The following CCDC171 variants were observed in gnomAD, a reference collection of about 807,000 sequenced individuals.
CCDC171 encodes the protein coiled-coil domain-containing protein 171.
A neutral mutation model predicts 168.2 loss-of-function variants in CCDC171; 177 were observed. The ratio of observed to expected loss-of-function variants is 1.05; its 90% CI spans 0.93 to 1.19. The LOEUF (loss-of-function observed/expected upper bound fraction) is 1.19. Ranked by LOEUF, CCDC171 falls within the 50% of genes most tolerant of loss-of-function variation. The probability of loss-of-function intolerance (pLI) is 0.00; values close to 1 mark genes in which losing one functional copy is unlikely to be tolerated. For synonymous variants in CCDC171, 687 were observed against 540.8 expected (o/e 1.27, Z -3.75); for missense variants, 1,991 against 1,539.0 (o/e 1.29, Z -4.91).
chr9:15,730,403 A>G lies in CCDC171; in HGVS notation c.2049+605A>G, dbSNP rs116067035. On this transcript the variant is annotated intron_variant, in intron 16 of 25. Transcript: ENST00000380701. ...ATTTTTTCTACACAAATTATCATCA[A>G]CATTATTTATATTGTTAACTATCAT... Among the ~76,000 whole-genome samples, 1,256 of 152,094 alleles carry G rather than the reference A, an allele frequency of 8.3e-3. 12 individuals are homozygous for G. Among genetic ancestry groups the G allele is most frequent in the African/African-American group, 0.029 (1,197 of 41,568 alleles).
intron 6 of CCDC171, among the ~76,000 whole-genome samples, chr9:15,615,985 C>G (rs1381289691): frequency 6.6e-6 from 1 of 152,128 alleles, no homozygotes; most frequent in Non-Finnish European, 1.5e-5. Flanking sequence ...GAGTCTCGCT[C>G]TGTCGCCCAG....
chr9:15,606,688 G>A (rs983518090), intron 6 of CCDC171, among the ~76,000 whole-genome samples: 3 of 152,140 alleles, frequency 2.0e-5, no homozygotes, highest in African/African-American at 7.2e-5. Flanking sequence ...GTTTATATGA[G>A]TATATATAAA....
At chr9:16,025,607 C>T (rs1833261400) in intron 6 of CCDC171, among the ~76,000 whole-genome samples, 1 of 152,008 alleles carries the variant, frequency 6.6e-6, no homozygotes, top group African/African-American at 2.4e-5. Context: ...ATGATTCAGC[C>T]ATTAAAAGTA....
At chr9:16,024,269 T>G (rs1833232641) in intron 6 of CCDC171, among the ~76,000 whole-genome samples, 1 of 152,148 alleles carries the variant, frequency 6.6e-6, no homozygotes, top group Admixed American at 6.5e-5. Flanking sequence ...CAGTAATTTG[T>G]TACAATAAAA....
chr9:15,777,494 T>C (rs2057389491), intron 18 of CCDC171, 106 bp from the exon 19 acceptor site: 1 of 630,824 alleles, frequency 1.6e-6, no homozygotes, highest in Admixed American at 3.3e-5. Flanking sequence ...TACAGGTGAA[T>C]GGGAATTATA....
chr9:15,847,646 T>C (rs576611078), intron 22 of CCDC171, among the ~76,000 whole-genome samples: 1 of 152,202 alleles, frequency 6.6e-6, no homozygotes, highest in African/African-American at 2.4e-5. Context: ...GTTTTCTAAA[T>C]TTAGAATTCT....
intron 10 of CCDC171, among the ~76,000 whole-genome samples, chr9:15,693,950 C>G (rs2051017631): frequency 6.6e-6 from 1 of 152,114 alleles, no homozygotes; most frequent in African/African-American, 2.4e-5. Context: ...CTTACTCCTT[C>G]TTTAACCTAT....
chr9:15,626,468 A>C (rs182238549), intron 7 of CCDC171, among the ~76,000 whole-genome samples: 1 of 152,026 alleles, frequency 6.6e-6, no homozygotes, highest in African/African-American at 2.4e-5. Context: ...AAGAGCTCTT[A>C]TTGTTTTGAT....
At chr9:15,926,480 G>T (rs559987017) in intron 25 of CCDC171, among the ~76,000 whole-genome samples, 1 of 151,482 alleles carries the variant, frequency 6.6e-6, no homozygotes, top group African/African-American at 2.4e-5. Flanking sequence ...TTCCACTTCT[G>T]ACCATTTTGT....
intron 9 of CCDC171, among the ~76,000 whole-genome samples, chr9:15,668,925 A>G (rs1274143682): frequency 6.6e-6 from 1 of 152,136 alleles, no homozygotes; most frequent in Non-Finnish European, 1.5e-5. Context: ...GAATTGATAG[A>G]TTTTAGGTCT....
At chr9:15,674,725 C>T (rs141388379) in intron 9 of CCDC171, among the ~76,000 whole-genome samples, 31 of 152,250 alleles carry the variant, frequency 2.0e-4, no homozygotes, top group Middle Eastern at 6.8e-3. Flanking sequence ...GTCTGAGAGA[C>T]AGTTTGTTAT....
In CCDC171 at chr9:16,018,792, G is replaced by A. The variant is rs182023435; in HGVS notation, n.369-1797G>A. Among the ~76,000 whole-genome samples the A allele has an allele frequency of 3.3e-5, 5 of 152,298 alleles. No homozygotes were observed. The East Asian group carries it at 9.6e-4, about 29-fold the overall frequency. ...AAGAAAGTTGCTGATACCCAAGGGAGCTACAAAAGGTTATGGGGAACCGGG... is the reference window on the plus strand; with the variant it reads ...AAGAAAGTTGCTGATACCCAAGGGAACTACAAAAGGTTATGGGGAACCGGG... On this transcript the variant is annotated intron_variant and non_coding_transcript_variant, in intron 3 of 9. Transcript: ENST00000486641.
chr9:15,874,450 C>T (rs1158949816), intron 23 of CCDC171, 82 bp from the exon 24 acceptor site: 1 of 1,202,802 alleles, frequency 8.3e-7, no homozygotes, highest in Admixed American at 2.6e-5. Context: ...CAAGTCCACT[C>T]AGTGGGCTCA....
intron 7 of CCDC171, among the ~76,000 whole-genome samples, chr9:15,642,343 G>GTATATATATATATATATA (rs55976539): frequency 1.9e-5 from 2 of 107,568 alleles, no homozygotes; most frequent in Non-Finnish European, 3.6e-5. Context: ...GTGTGTGTGT[G>GTATATATATATATATATA]TATATATATA....
chr9:15,567,670 T>A (rs1467125857), intron 2 of CCDC171, among the ~76,000 whole-genome samples: 3 of 152,142 alleles, frequency 2.0e-5, no homozygotes, highest in Non-Finnish European at 4.4e-5. Flanking sequence ...ATTTTTTTTT[T>A]TTGAGACAAG....
upstream of CCDC171, among the ~76,000 whole-genome samples, chr9:16,039,201 G>A (rs1004722100): frequency 1.3e-5 from 2 of 152,136 alleles, no homozygotes; most frequent in African/African-American, 2.4e-5. Flanking sequence ...CAAATTTTCC[G>A]TAGTAAACTC....
Position 15,971,682 on chromosome 9 carries a change from G to A in CCDC171, c.3827G>A (p.Gly1276Glu). 6.2e-7 allele frequency: 1 copy of A among 1,613,720 alleles called. No homozygotes were observed. Among genetic ancestry groups the A allele is most frequent in the South Asian group, 1.1e-5 (1 of 91,062 alleles). Residue 1276 changes from glycine (G) to glutamate (E), a missense_variant, in exon 26 of 26, where the codon GGG becomes GAG. Gly to Glu is a moderately conservative substitution (Grantham distance 98). Coordinates refer to ENST00000380701, the MANE Select transcript of CCDC171 (RefSeq NM_173550.4). ...APLPADTTGI[G>E]DFLPLKAELD... ...CTTCCTGCTGACACAACTGGTATTGGGGATTTCTTACCATTGAAAGCTGAA... is the reference window on the plus strand; with the variant it reads ...CTTCCTGCTGACACAACTGGTATTGAGGATTTCTTACCATTGAAAGCTGAA...
chr9:16,032,100 G>A (rs1833372818), intron 6 of CCDC171, among the ~76,000 whole-genome samples: 2 of 152,192 alleles, frequency 1.3e-5, no homozygotes, highest in Non-Finnish European at 2.9e-5. Flanking sequence ...GCATGGATGG[G>A]CTTTCAACCC....
intron 18 of CCDC171, among the ~76,000 whole-genome samples, chr9:15,757,525 A>C (rs965469326): frequency 3.3e-5 from 5 of 152,226 alleles, no homozygotes; most frequent in Admixed American, 1.3e-4. Flanking sequence ...GAGAATGTGC[A>C]GCCTGACAAT....
Sources: gnomAD v4.1 joint callset for allele counts (sites outside exome capture counted in the v4.1 genomes callset) on GRCh38, gnomAD v4.1.1 for gene constraint, MANE v1.5 for transcripts, NCBI Gene and HGNC (gene_info 2026-07-23, HGNC 2026-07-21) for gene names.